The following CSMD1 variants were observed in gnomAD, a reference collection of about 807,000 sequenced individuals.
The protein encoded by CSMD1 is CUB and sushi domain-containing protein 1.
Under a neutral mutation model 417.5 loss-of-function variants are expected in CSMD1, and 213 were observed. That is an observed-to-expected ratio of 0.51 (90% CI 0.46 to 0.57). The LOEUF is 0.57. CSMD1 is among the 20% of genes least tolerant of loss of function. The probability of loss-of-function intolerance (pLI) is 0.00; values close to 1 mark genes in which losing one functional copy is unlikely to be tolerated. For synonymous variants in CSMD1, 2,862 were observed against 1,736.8 expected (o/e 1.65, Z -16.11); for missense variants, 6,923 against 4,529.7 (o/e 1.53, Z -15.17).
intron 8 of CSMD1, among the ~76,000 whole-genome samples, chr8:3,594,751 G>A (rs1212784021): frequency 6.6e-6 from 1 of 152,104 alleles, no homozygotes; most frequent in Non-Finnish European, 1.5e-5. Context: ...CAGAAGTATG[G>A]AAGAGTGGGA....
intron 1 of CSMD1, among the ~76,000 whole-genome samples, chr8:4,647,047 G>T (rs1242332929): frequency 6.6e-6 from 1 of 152,116 alleles, no homozygotes; most frequent in African/African-American, 2.4e-5. Flanking sequence ...TCCAAAGTGA[G>T]GCCAAGATGG....
chr8:4,957,704 G>C (rs1211190981), intron 1 of CSMD1, among the ~76,000 whole-genome samples: 1 of 152,062 alleles, frequency 6.6e-6, no homozygotes, highest in East Asian at 1.9e-4. Flanking sequence ...AAGATTTTTT[G>C]TTTGTTTCTT....
chr8:3,755,523 C>T (rs185676824), intron 5 of CSMD1, among the ~76,000 whole-genome samples: 5 of 152,212 alleles, frequency 3.3e-5, no homozygotes, highest in Admixed American at 6.5e-5. Context: ...TGTGGTGCTG[C>T]GTGTGGGCCT....
chr8:3,365,117 C>G (rs1206554495), intron 20 of CSMD1, among the ~76,000 whole-genome samples: 1 of 151,986 alleles, frequency 6.6e-6, no homozygotes, highest in African/African-American at 2.4e-5. Context: ...TTGAGATACA[C>G]CAGGGGAGAA....
At chr8:3,889,472 TATATATATATATATATATATAAA>T (rs1806799544) in intron 5 of CSMD1, among the ~76,000 whole-genome samples, 2 of 107,398 alleles carry the variant, frequency 1.9e-5, no homozygotes, top group South Asian at 7.2e-4. Flanking sequence ...TATATATATA[TATATATATATATATATATATAAA>T]ATATGCTCAT....
Position 3,476,399 on chromosome 8 carries a change from T to G in CSMD1, c.1449-7575A>C, listed in dbSNP as rs532847769. ...ATGTTTCTATTTTGGCAATTATGAA[T>G]AGAGTTACTATAAACATTCACATGG... On this transcript the variant is annotated intron_variant, in intron 11 of 69. Coordinates refer to ENST00000635120, the MANE Select transcript of CSMD1 (RefSeq NM_033225.6). Among the ~76,000 whole-genome samples the G allele has an allele frequency of 1.2e-4, 19 of 152,290 alleles. 1 individual carries two copies. The South Asian group carries it at 3.5e-3, about 28-fold the overall frequency.
intron 1 of CSMD1, among the ~76,000 whole-genome samples, chr8:4,801,223 C>T (rs376696664): frequency 7.9e-5 from 12 of 152,276 alleles, no homozygotes; most frequent in South Asian, 2.1e-4. Flanking sequence ...AATCTTATTG[C>T]GGCCACCTTG....
chr8:2,975,438 T>G (rs1016208511), intron 55 of CSMD1, among the ~76,000 whole-genome samples: 13 of 152,320 alleles, frequency 8.5e-5, no homozygotes, highest in African/African-American at 3.1e-4. Flanking sequence ...GGCGACTGCT[T>G]TAGTATCCTA....
intron 1 of CSMD1, among the ~76,000 whole-genome samples, chr8:4,687,406 A>G (rs1036653204): frequency 6.6e-6 from 1 of 152,256 alleles, no homozygotes; most frequent in African/African-American, 2.4e-5. Flanking sequence ...AATACGTACT[A>G]GAGTGGAAAG....
intron 1 of CSMD1, among the ~76,000 whole-genome samples, chr8:4,939,076 T>C (rs1017517922): frequency 6.6e-6 from 1 of 152,172 alleles, no homozygotes; most frequent in Non-Finnish European, 1.5e-5. Context: ...CAAATAATTC[T>C]CCCCCCTCTG....
At chr8:4,410,260 C>G (rs1796576115) in intron 3 of CSMD1, among the ~76,000 whole-genome samples, 2 of 152,180 alleles carry the variant, frequency 1.3e-5, no homozygotes, top group African/African-American at 4.8e-5. Context: ...AAGGTAGGTA[C>G]CATTTATTTT....
At chr8:3,326,920 T>C (rs532703430) in intron 23 of CSMD1, among the ~76,000 whole-genome samples, 1 of 152,088 alleles carries the variant, frequency 6.6e-6, no homozygotes, top group Admixed American at 6.5e-5. Context: ...CTCATGCCTG[T>C]AATCTCGGCT....
chr8:3,207,105 C>G (rs1797337557), intron 30 of CSMD1, among the ~76,000 whole-genome samples: 1 of 149,258 alleles, frequency 6.7e-6, no homozygotes, highest in African/African-American at 2.5e-5. Context: ...ATTTCTACAG[C>G]TCATTTCTTC....
intron 3 of CSMD1, among the ~76,000 whole-genome samples, chr8:4,057,590 A>G (rs1172623753): frequency 6.6e-6 from 1 of 151,914 alleles, no homozygotes; most frequent in East Asian, 2.0e-4. Context: ...TTGGTGTTAT[A>G]GACATGAAGT....
At chr8:4,083,072 C>T (rs965133594) in intron 3 of CSMD1, among the ~76,000 whole-genome samples, 3 of 151,954 alleles carry the variant, frequency 2.0e-5, no homozygotes, top group African/African-American at 7.3e-5. Context: ...CCACAATAAA[C>T]ATACATGTGC....
intron 3 of CSMD1, among the ~76,000 whole-genome samples, chr8:4,241,140 G>A (rs758020145): frequency 6.6e-6 from 1 of 152,008 alleles, no homozygotes; most frequent in Admixed American, 6.6e-5. Context: ...CTTCACTGAT[G>A]GCCCTACAGC....
At chr8:3,821,420 G>A (rs983434118) in intron 5 of CSMD1, among the ~76,000 whole-genome samples, 5 of 152,170 alleles carry the variant, frequency 3.3e-5, no homozygotes, top group African/African-American at 1.2e-4. Flanking sequence ...TGTGGATTAT[G>A]CATTCTGCTA....
chr8:3,271,252 A>C (rs915365659), intron 26 of CSMD1, among the ~76,000 whole-genome samples: 12 of 152,164 alleles, frequency 7.9e-5, no homozygotes, highest in African/African-American at 2.4e-4. Context: ...TACAAAGCAC[A>C]TGAACTCATC....
At chr8:4,060,294 C>G (rs1485552605) in intron 3 of CSMD1, among the ~76,000 whole-genome samples, 7 of 152,128 alleles carry the variant, frequency 4.6e-5, no homozygotes, top group South Asian at 2.1e-4. Flanking sequence ...GGACGTATCT[C>G]AGAATAATAA....
Sources: allele counts gnomAD v4.1 joint callset (sites outside exome capture counted in the v4.1 genomes callset), GRCh38; gene constraint gnomAD v4.1.1; transcripts MANE v1.5; gene names NCBI Gene and HGNC (gene_info 2026-07-23, HGNC 2026-07-21).